The following COL4A6 variants were observed in gnomAD, a reference collection of about 807,000 sequenced individuals.
COL4A6 encodes collagen type IV alpha 6 chain.
A neutral mutation model predicts 126.7 loss-of-function variants in COL4A6; 59 were observed. That is an observed-to-expected ratio of 0.47 (90% CI 0.38 to 0.58). The LOEUF is 0.58. Among genes scored for constraint, COL4A6 ranks in the 20% least tolerant of loss-of-function variants. The probability of loss-of-function intolerance (pLI) is 0.00; values close to 1 mark genes in which losing one functional copy is unlikely to be tolerated. For synonymous variants in COL4A6, 547 were observed against 496.6 expected (o/e 1.10, Z -1.35); for missense variants, 1,285 against 1,337.3 (o/e 0.96, Z 0.61).
intron 17 of COL4A6, 140 bp from the exon 18 acceptor site, chrX:108,192,720 G>A (rs2035089725): frequency 4.5e-6 from 2 of 447,855 alleles, no homozygotes; most frequent in Admixed American, 7.8e-5. Flanking sequence ...AATGCTAATG[G>A]CCTCACATGA....
chrX:108,195,757 G>C (rs1204345919), intron 14 of COL4A6, among the ~76,000 whole-genome samples: 3 of 111,673 alleles, frequency 2.7e-5, no homozygotes, highest in African/African-American at 9.8e-5. Context: ...GGAGGGCCTC[G>C]TCTTCCACCT....
intron 2 of COL4A6, among the ~76,000 whole-genome samples, chrX:108,312,984 T>C (rs2038796705): frequency 9.1e-6 from 1 of 110,442 alleles, no homozygotes; most frequent in African/African-American, 3.3e-5. Flanking sequence ...GAAGCTAAGG[T>C]TTCTTAGGAA....
intron 2 of COL4A6, among the ~76,000 whole-genome samples, chrX:108,376,596 C>T (rs2040438893): frequency 9.1e-6 from 1 of 110,242 alleles, no homozygotes; most frequent in African/African-American, 3.4e-5. Flanking sequence ...AGGAGTGAAA[C>T]TCTGTCTCAA....
intron 2 of COL4A6, among the ~76,000 whole-genome samples, chrX:108,365,442 A>AT (rs2040178799): frequency 8.9e-6 from 1 of 111,793 alleles, no homozygotes; most frequent in Non-Finnish European, 1.9e-5. Context: ...CATCTTACTC[A>AT]TTTTTTTGTA....
In COL4A6 at chrX:108,171,382, C is replaced by T. The variant is rs749710912; in HGVS notation, c.3277+5G>A. On this transcript the variant is annotated splice_donor_5th_base_variant and intron_variant, in intron 33 of 44. Coordinates refer to ENST00000334504, the MANE Select transcript of COL4A6 (RefSeq NM_033641.4). ...GCAAACAAGACAAAAATATAGCAAC[C>T]TTACCTTTAAAACCAGATTCGCCAG... The T allele has an allele frequency of 1.7e-6, 2 of 1,207,290 alleles. No individual in the cohort carries two copies. The highest frequency in any genetic ancestry group is 2.2e-6 in the Non-Finnish European group (2 of 892,651).
chrX:108,190,859 CT>C (rs1569342718), intron 19 of COL4A6, among the ~76,000 whole-genome samples: 1 of 112,376 alleles, frequency 8.9e-6, no homozygotes, highest in Non-Finnish European at 1.9e-5. Flanking sequence ...TGGACATGGG[CT>C]TTAAGGTACA....
chrX:108,181,101 T>G (rs1281599314), intron 23 of COL4A6, 133 bp from the exon 24 acceptor site: 1 of 513,857 alleles, frequency 1.9e-6, no homozygotes, highest in Admixed American at 3.6e-5. Context: ...GAGCCCACAC[T>G]GGAAAACCTT....
chrX:108,344,728 A>G (rs772258177), intron 2 of COL4A6, among the ~76,000 whole-genome samples: 16 of 112,128 alleles, frequency 1.4e-4, no homozygotes, highest in Non-Finnish European at 2.8e-4. Flanking sequence ...CAAATTGACA[A>G]ATTTATTTGC....
intron 27 of COL4A6, among the ~76,000 whole-genome samples, chrX:108,177,545 C>T (rs991407413): frequency 9.0e-6 from 1 of 111,611 alleles, no homozygotes; most frequent in Non-Finnish European, 1.9e-5. Flanking sequence ...GTTGAAAGAC[C>T]CCCTAGTGCC....
intron 3 of COL4A6, among the ~76,000 whole-genome samples, chrX:108,255,803 A>C (rs894232845): frequency 9.0e-6 from 1 of 111,653 alleles, no homozygotes; most frequent in African/African-American, 3.2e-5. Flanking sequence ...ATAACAACAT[A>C]TACCTTCACA....
Position 108,170,893 on chromosome X carries a change from A to G in COL4A6, c.3302T>C (p.Ile1101Thr), listed in dbSNP as rs147159171. Reference sequence around the variant, plus strand: ...GTTTCCAGGGAAGCCTATATTGCCTATTAGTCCATCTCTTCCTTTTGTGCC... The same window carrying G: ...GTTTCCAGGGAAGCCTATATTGCCTGTTAGTCCATCTCTTCCTTTTGTGCC... ...FKGTKGRDGL[I>T]GNIGFPGNKG... is the part of the protein sequence containing the mutation. The change falls in exon 34 of 45, where the codon ATA (isoleucine) becomes ACA (threonine). Residue 1101 changes from isoleucine to threonine, a missense_variant. Coordinates refer to ENST00000334504, the MANE Select transcript of COL4A6 (RefSeq NM_033641.4). 3 of 1,210,600 alleles carry G rather than the reference A, an allele frequency of 2.5e-6. No homozygotes were observed. The highest frequency in any genetic ancestry group is 3.4e-6 in the Non-Finnish European group (3 of 894,904).
chrX:108,316,822 G>A (rs2038891388), intron 2 of COL4A6, among the ~76,000 whole-genome samples: 1 of 112,268 alleles, frequency 8.9e-6, no homozygotes, highest in South Asian at 3.7e-4. Context: ...TTGATGTTTT[G>A]GCTACAGCAA....
chrX:108,413,074 T>C (rs1276445194), intron 2 of COL4A6, among the ~76,000 whole-genome samples: 2 of 112,038 alleles, frequency 1.8e-5, no homozygotes, highest in African/African-American at 6.5e-5. Context: ...CCTTAATGTT[T>C]AGTATTCTTA....
intron 2 of COL4A6, among the ~76,000 whole-genome samples, chrX:108,435,827 A>G (rs2064255396): frequency 1.8e-5 from 2 of 112,023 alleles, no homozygotes; most frequent in South Asian, 7.4e-4. Flanking sequence ...TCTCATAGCA[A>G]AACACAACAT....
At chrX:108,390,026 T>C (rs2148167411) in intron 2 of COL4A6, among the ~76,000 whole-genome samples, 1 of 111,998 alleles carries the variant, frequency 8.9e-6, no homozygotes, top group South Asian at 3.8e-4. Flanking sequence ...GGGTTGAAAA[T>C]TCTTTTCTTT....
chrX:108,247,774 A>G (rs914881073), intron 3 of COL4A6, among the ~76,000 whole-genome samples: 5 of 111,527 alleles, frequency 4.5e-5, no homozygotes, highest in Non-Finnish European at 9.4e-5. Context: ...CCCCACTGCC[A>G]CCAATTCATT....
chrX:108,380,055 G>A (rs751018404), intron 2 of COL4A6, among the ~76,000 whole-genome samples: 1 of 112,034 alleles, frequency 8.9e-6, no homozygotes, highest in Non-Finnish European at 1.9e-5. Context: ...CAGCATAGAA[G>A]CTCCTGGGTT....
chrX:108,178,678 A>T lies in COL4A6; in HGVS notation c.2515+6T>A. ...CAAGGTGGGACTCTTCCTCTGAAGG[A>T]CCTACCTGAGATGCCTGGGAAGCCT... On this transcript the variant is annotated splice_donor_region_variant and intron_variant, in intron 27 of 44. Coordinates refer to ENST00000334504, the MANE Select transcript of COL4A6 (RefSeq NM_033641.4). 1 of 1,209,668 alleles carries T rather than the reference A, an allele frequency of 8.3e-7. No homozygotes were observed.
At chrX:108,204,598 G>A in intron 11 of COL4A6, 186 bp from the exon 12 acceptor site, 1 of 525,790 alleles carries the variant, frequency 1.9e-6, no homozygotes, top group South Asian at 2.5e-5. Context: ...AGCCCGACCA[G>A]TGAATTTTGT....
Sources: gnomAD v4.1 joint callset for allele counts (sites outside exome capture counted in the v4.1 genomes callset) on GRCh38, gnomAD v4.1.1 for gene constraint, MANE v1.5 for transcripts, NCBI Gene and HGNC (gene_info 2026-07-23, HGNC 2026-07-21) for gene names.